The following PLA2G4A variants were observed in gnomAD, a reference collection of about 807,000 sequenced individuals.
PLA2G4A encodes cytosolic phospholipase A2.
A neutral mutation model predicts 81.9 loss-of-function variants in PLA2G4A; 40 were observed. The ratio of observed to expected loss-of-function variants is 0.49; its 90% confidence interval spans 0.38 to 0.64. The LOEUF (loss-of-function observed/expected upper bound fraction) is 0.64, where lower values mean the gene tolerates loss of function less well. Ranked by LOEUF, PLA2G4A falls within the 30% of genes least tolerant of loss-of-function variation. The probability of loss-of-function intolerance (pLI) is 0.00; values close to 1 mark genes in which losing one functional copy is unlikely to be tolerated. For missense variants in PLA2G4A, 715 were observed against 905.1 expected, an observed-to-expected ratio of 0.79 and a Z score of 2.69; for synonymous variants, 302 against 296.9, an observed-to-expected ratio of 1.02 and a Z score of -0.18.
intron 8 of PLA2G4A, 101 bp from the exon 9 acceptor site, chr1:186,938,907 A>G (rs1656046972): frequency 2.7e-6 from 2 of 742,312 alleles, no homozygotes; most frequent in South Asian, 2.9e-5. Context: ...AGTTAACCAA[A>G]TATGTCCACC....
At chr1:186,868,202 G>A (rs532318219) in intron 2 of PLA2G4A, among the ~76,000 whole-genome samples, 2 of 149,816 alleles carry the variant, frequency 1.3e-5, no homozygotes, top group East Asian at 4.0e-4. Context: ...AGCCTCCCAA[G>A]TAGCTGGGAT....
intron 2 of PLA2G4A, among the ~76,000 whole-genome samples, chr1:186,864,013 C>T (rs919656026): frequency 2.9e-4 from 23 of 79,844 alleles, no homozygotes; most frequent in Middle Eastern, 5.6e-3. Context: ...CCACCTTCCT[C>T]GGCCTCCCTC....
rs1657640716 is a variant in PLA2G4A at position 186,979,363 on chromosome 1, T to A, written c.2009T>A (p.Ile670Asn). The A allele has an allele frequency of 5.6e-6, 9 of 1,610,300 alleles. No homozygotes were observed. The highest frequency in any genetic ancestry group is 7.6e-6 in the Non-Finnish European group (9 of 1,176,612). ...GAGAAAGAAATCGCTGACTTTGATA[T>A]TTTTGATGACCCAGAATCACCATTT... The part of the protein sequence containing the change: ...EEEKEIADFD[I>N]FDDPESPFST... Residue 670 changes from isoleucine to asparagine, a missense_variant, in exon 17 of 18, where the codon ATT becomes AAT. Coordinates refer to ENST00000367466, the MANE Select transcript of PLA2G4A (RefSeq NM_024420.3).
At chr1:186,857,583 A>C (rs931888735) in intron 2 of PLA2G4A, among the ~76,000 whole-genome samples, 1 of 144,318 alleles carries the variant, frequency 6.9e-6, no homozygotes, top group African/African-American at 2.5e-5. Context: ...TAAATATAAA[A>C]TATATTATAT....
chr1:186,836,162 A>G (rs1023061040), intron 1 of PLA2G4A, among the ~76,000 whole-genome samples: 1 of 151,744 alleles, frequency 6.6e-6, no homozygotes, highest in African/African-American at 2.4e-5. Context: ...AATAAGTATT[A>G]ATAAGCTATT....
intron 5 of PLA2G4A, among the ~76,000 whole-genome samples, chr1:186,900,895 T>C (rs1364578913): frequency 6.6e-6 from 1 of 152,232 alleles, no homozygotes. Context: ...GGCATCTATC[T>C]GATTTTGGCT....
intron 12 of PLA2G4A, among the ~76,000 whole-genome samples, chr1:186,948,801 G>C (rs745826183): frequency 1.3e-5 from 2 of 152,128 alleles, no homozygotes; most frequent in African/African-American, 4.8e-5. Flanking sequence ...GTGTCAGACT[G>C]AGGGGGAATA....
intron 5 of PLA2G4A, among the ~76,000 whole-genome samples, chr1:186,896,598 A>T (rs928298338): frequency 6.6e-6 from 1 of 152,202 alleles, no homozygotes; most frequent in African/African-American, 2.4e-5. Flanking sequence ...CATGATACAA[A>T]GACTGTTTTT....
chr1:186,957,524 G>C (rs1293020475), intron 14 of PLA2G4A, among the ~76,000 whole-genome samples: 4 of 152,218 alleles, frequency 2.6e-5, no homozygotes, highest in Non-Finnish European at 5.9e-5. Flanking sequence ...CTTTGGCAGA[G>C]GCCAGGTCTC....
At chr1:186,864,429 A>G (rs147137854) in intron 2 of PLA2G4A, among the ~76,000 whole-genome samples, 2 of 152,118 alleles carry the variant, frequency 1.3e-5, no homozygotes, top group East Asian at 3.9e-4. Context: ...CAGTGTATAA[A>G]TGTTTCTCTT....
chr1:186,879,726 T>C (rs377363606), intron 3 of PLA2G4A, among the ~76,000 whole-genome samples: 22 of 151,930 alleles, frequency 1.4e-4, no homozygotes, highest in African/African-American at 4.8e-4. Flanking sequence ...GCAAACTTCT[T>C]AGGACTTTAC....
intron 3 of PLA2G4A, among the ~76,000 whole-genome samples, chr1:186,874,879 G>T (rs1417036309): frequency 1.3e-5 from 2 of 151,986 alleles, no homozygotes; most frequent in East Asian, 3.9e-4. Context: ...TGTGCCTGTA[G>T]GTAAATGATA....
chr1:186,959,071 C>A (rs1204542873), intron 14 of PLA2G4A, among the ~76,000 whole-genome samples: 1 of 152,042 alleles, frequency 6.6e-6, no homozygotes, highest in Non-Finnish European at 1.5e-5. Flanking sequence ...TAGAAAGTTT[C>A]AGTGAGAAAG....
chr1:186,921,483 G>GTGTC (rs1655347762), intron 7 of PLA2G4A, among the ~76,000 whole-genome samples: 3 of 152,332 alleles, frequency 2.0e-5, no homozygotes, highest in Admixed American at 6.5e-5. Context: ...TTTCCACCAT[G>GTGTC]TGTCTGTCCT....
At chr1:186,949,585 A>T (rs2102239426) in intron 12 of PLA2G4A, among the ~76,000 whole-genome samples, 1 of 152,272 alleles carries the variant, frequency 6.6e-6, no homozygotes. Context: ...AACTAATAAT[A>T]TTAGCTTGTG....
intron 14 of PLA2G4A, 45 bp downstream of exon 14, chr1:186,956,389 T>C (rs779042905): frequency 1.0e-5 from 16 of 1,546,100 alleles, no homozygotes; most frequent in Admixed American, 1.7e-5. Flanking sequence ...CAGGAGATCT[T>C]TATTCCTTCT....
intron 1 of PLA2G4A, among the ~76,000 whole-genome samples, chr1:186,841,096 G>A (rs774899570): frequency 2.6e-4 from 40 of 152,296 alleles, no homozygotes; most frequent in Middle Eastern, 3.4e-3. Context: ...TTCTGAAAAT[G>A]CACATCATAT....
intron 1 of PLA2G4A, among the ~76,000 whole-genome samples, chr1:186,853,591 A>G (rs1477425922): frequency 6.6e-6 from 1 of 151,972 alleles, no homozygotes; most frequent in Non-Finnish European, 1.5e-5. Flanking sequence ...GCTGAAATAC[A>G]AGTGTATGTT....
rs566695493 is a variant in PLA2G4A at position 186,877,978 on chromosome 1, C to A, written c.115+7462C>A. On this transcript the variant is annotated intron_variant, in intron 3 of 17. Transcript: ENST00000367466. ...GCATGCACAGGAAATTTTACAACAC[C>A]TTTGAGTGAATTTAATTAATCTTTT... Among the ~76,000 whole-genome samples, 6 of 150,074 alleles carry A rather than the reference C, an allele frequency of 4.0e-5. No individual in the cohort carries two copies. In the South Asian group the frequency reaches 1.2e-3, roughly 31 times the overall value.
Sources: gnomAD v4.1 joint callset for allele counts (sites outside exome capture counted in the v4.1 genomes callset) on GRCh38, gnomAD v4.1.1 for gene constraint, MANE v1.5 for transcripts, NCBI Gene and HGNC (gene_info 2026-07-23, HGNC 2026-07-21) for gene names.